Variants in DSN1 observed in about 807,000 individuals in gnomAD.
The protein encoded by DSN1 is DSN1 component of MIS12 kinetochore complex, also known as kinetochore-associated protein DSN1 homolog.
Under a neutral mutation model 45.7 loss-of-function variants are expected in DSN1, and 31 were observed. The ratio of observed to expected loss-of-function variants is 0.68; its 90% CI spans 0.51 to 0.92. The LOEUF (loss-of-function observed/expected upper bound fraction) is 0.92. DSN1 is among the 40% of genes least tolerant of loss of function. The probability of loss-of-function intolerance (pLI) is 0.00; values close to 1 mark genes in which losing one functional copy is unlikely to be tolerated. For missense variants in DSN1, 394 were observed against 414.2 expected, an observed-to-expected ratio of 0.95 and a Z score of 0.42; for synonymous variants, 134 against 142.3, an observed-to-expected ratio of 0.94 and a Z score of 0.41.
At position 36,770,902 on chromosome 20, in the gene DSN1, G is replaced by A. The variant is rs1398178695; in HGVS notation, c.326C>T (p.Ser109Leu). Residue 109 changes from serine to leucine, a missense_variant, in exon 3 of 11, where the codon TCG (serine) becomes TTG (leucine). Physicochemically the swap from Ser to Leu is moderately radical, Grantham distance 145. Transcript: ENST00000373750. ...GATGCCCTGGTGAATGGGATGCAGC[G>A]ACTTCCGCCGGTTCGTTTCTTTCAT... ...ASMKETNRRK[S>L]LHPIHQGITE... is the part of the protein sequence containing the mutation. The A allele has an allele frequency of 6.2e-6, 10 of 1,612,858 alleles. No individual in the cohort carries two copies. Among genetic ancestry groups the A allele is most frequent in the South Asian group, 5.5e-5 (5 of 91,042 alleles).
At chr20:36,764,858 T>C (rs1252027189) in intron 5 of DSN1, among the ~76,000 whole-genome samples, 1 of 150,608 alleles carries the variant, frequency 6.6e-6, no homozygotes, top group Non-Finnish European at 1.5e-5. Context: ...AGGTGGAGGT[T>C]GCAGTGAGCC....
At chr20:36,755,944 G>A (rs754677415) in intron 8 of DSN1, 115 bp from the exon 9 acceptor site, 13 of 1,212,400 alleles carry the variant, frequency 1.1e-5, no homozygotes, top group Non-Finnish European at 1.5e-5. Context: ...CTAGCTATAG[G>A]CTCACTTCTT....
chr20:36,758,698 T>C (rs1986808612), intron 6 of DSN1, 81 bp from the exon 7 acceptor site: 3 of 1,363,490 alleles, frequency 2.2e-6, no homozygotes, highest in African/African-American at 2.9e-5. Flanking sequence ...TAGTTATTTA[T>C]TTATTTCAGA....
intron 4 of DSN1, among the ~76,000 whole-genome samples, chr20:36,767,496 T>C (rs1987409264): frequency 1.3e-5 from 2 of 152,160 alleles, no homozygotes; most frequent in East Asian, 3.9e-4. Flanking sequence ...CTGGGCACGG[T>C]GGCTCACACC....
At position 36,752,321 on chromosome 20, in the gene DSN1, T is replaced by C. The variant is rs1986422003; in HGVS notation, c.*467A>G. On this transcript the variant is annotated 3_prime_UTR_variant, in exon 11 of 11. Transcript: ENST00000373750. ...CACCCGCCTCAGTCACCCAAAATGC[T>C]AGGATTACAGGCGTGAGCCATTGCG... The C allele has an allele frequency of 6.5e-6, 1 of 152,672 alleles. No individual in the cohort carries two copies. The highest frequency in any genetic ancestry group is 1.5e-5 in the Non-Finnish European group (1 of 68,422). 9.5% of individuals were successfully genotyped at this position (152,672 alleles called of 1,614,324 possible).
At chr20:36,757,986 G>T in intron 8 of DSN1, 101 bp downstream of exon 8, 2 of 1,132,466 alleles carry the variant, frequency 1.8e-6, no homozygotes, top group Non-Finnish European at 2.6e-6. Context: ...ATTGGCCCGT[G>T]AGAAAGGATT....
chr20:36,773,696 C>G lies in DSN1; in HGVS notation c.-50G>C. On this transcript the variant is annotated 5_prime_UTR_variant, in exon 1 of 11. Coordinates refer to ENST00000373750, the MANE Select transcript of DSN1 (RefSeq NM_001145315.2). Reference sequence around the variant, plus strand: ...AAGGCCACGGGTCGCTCTCCACAGCCCCAGGTCACTCCTGGACGCCTTGCG... The same window carrying G: ...AAGGCCACGGGTCGCTCTCCACAGCGCCAGGTCACTCCTGGACGCCTTGCG... 3 of 985,720 alleles carry G rather than the reference C, an allele frequency of 3.0e-6. No homozygotes were observed. The highest frequency in any genetic ancestry group is 3.6e-6 in the Non-Finnish European group (3 of 830,134). The allele number at this position is 985,720 out of a possible 1,614,324, so 61.1% of individuals were successfully genotyped here.
chr20:36,766,194 CAAA>C (rs368772931), intron 5 of DSN1, among the ~76,000 whole-genome samples: 2 of 48,024 alleles, frequency 4.2e-5, no homozygotes, highest in Admixed American at 2.4e-4. Flanking sequence ...GACTCCATCT[CAAA>C]AAAAAAAAAA....
At chr20:36,757,987 A>AGAAAGGATTCATCTT in intron 8 of DSN1, 100 bp downstream of exon 8, 1 of 1,142,258 alleles carries the variant, frequency 8.8e-7, no homozygotes, top group Non-Finnish European at 1.3e-6. Context: ...TTGGCCCGTG[A>AGAAAGGATTCATCTT]GAAAGGATTC....
chr20:36,762,108 T>TC (rs1987020769), intron 6 of DSN1, among the ~76,000 whole-genome samples: 1 of 141,156 alleles, frequency 7.1e-6, no homozygotes, highest in Non-Finnish European at 1.5e-5. Flanking sequence ...TTCTTTTTTT[T>TC]TTTTTTTTTT....
chr20:36,763,885 C>CAAA (rs148628979), intron 5 of DSN1, among the ~76,000 whole-genome samples: 2,223 of 37,390 alleles, frequency 0.059, 461 homozygotes, highest in Middle Eastern at 0.094. Context: ...AACTCTGTCT[C>CAAA]AAAAAAAAAA....
intron 5 of DSN1, among the ~76,000 whole-genome samples, chr20:36,764,249 G>C (rs1424603933): frequency 6.6e-6 from 1 of 152,012 alleles, no homozygotes; most frequent in Non-Finnish European, 1.5e-5. Flanking sequence ...TGGGCGTAAG[G>C]TTAAAAACAG....
At chr20:36,766,621 C>T in intron 5 of DSN1, 148 bp downstream of exon 5, 1 of 712,572 alleles carries the variant, frequency 1.4e-6, no homozygotes, top group Non-Finnish European at 2.4e-6. Flanking sequence ...CCCTACTGCA[C>T]TCCAGTCTGG....
At chr20:36,756,026 T>A (rs1986656529) in intron 8 of DSN1, among the ~76,000 whole-genome samples, 197 bp from the exon 9 acceptor site, 1 of 151,922 alleles carries the variant, frequency 6.6e-6, no homozygotes, top group Non-Finnish European at 1.5e-5. Context: ...CAGGATGGAG[T>A]GCAGTGGTGC....
In DSN1 at chr20:36,773,724, C is replaced by T; in HGVS notation, c.-78G>A. ...AGGTCACTCCTGGACGCCTTGCGCA[C>T]CCGCAGCCGATACTCCCTGATCAGG... On this transcript the variant is annotated 5_prime_UTR_variant, in exon 1 of 11. It adds an upstream start codon to the 5' untranslated region. Transcript: ENST00000373750. 1 of 985,572 alleles carries T rather than the reference C, an allele frequency of 1.0e-6. No individual in the cohort carries two copies. The highest frequency in any genetic ancestry group is 1.2e-6 in the Non-Finnish European group (1 of 830,008). The allele number at this position is 985,572 out of a possible 1,614,324, so 61.1% of individuals were successfully genotyped here.
chr20:36,767,282 G>A (rs1230501739), intron 4 of DSN1, among the ~76,000 whole-genome samples: 2 of 151,780 alleles, frequency 1.3e-5, no homozygotes, highest in African/African-American at 4.8e-5. Flanking sequence ...ACTCCAGCCT[G>A]GTGACAGAGC....
chr20:36,766,666 G>C, intron 5 of DSN1, 103 bp downstream of exon 5: 2 of 997,728 alleles, frequency 2.0e-6, no homozygotes, highest in Non-Finnish European at 3.1e-6. Flanking sequence ...AACAAAAGGT[G>C]GGGGAGCTAG....
Position 36,754,813 on chromosome 20 carries a change from GC to G in DSN1, c.910del (p.Ala304ProfsTer25), listed in dbSNP as rs760955861. ...ELQGSVKQLQ[A>X]FMDESTQCFQ... ...GCACTGGGTACTTTCATCCATAAAG[GC>G]CTGCAGCTGTTTCACTGATCCTTGC... On this transcript the variant is annotated frameshift_variant, in exon 10 of 11. Coordinates refer to ENST00000373750, the MANE Select transcript of DSN1 (RefSeq NM_001145315.2). LOFTEE classifies it high-confidence loss of function. 1.9e-6 allele frequency: 3 copies of G among 1,613,810 alleles called. No homozygotes were observed. The African/African-American group carries it at 4.0e-5, about 22-fold the overall frequency.
chr20:36,771,246 T>C, intron 2 of DSN1, 53 bp from the exon 3 acceptor site: 3 of 1,552,766 alleles, frequency 1.9e-6, no homozygotes, highest in Non-Finnish European at 2.6e-6. Context: ...GCCACAACTA[T>C]TTGTGCAAAA....
Sources: gnomAD v4.1 joint callset for allele counts (sites outside exome capture counted in the v4.1 genomes callset) on GRCh38, gnomAD v4.1.1 for gene constraint, MANE v1.5 for transcripts, NCBI Gene and HGNC (gene_info 2026-07-23, HGNC 2026-07-21) for gene names.